UTRN: variants seen among roughly 807,000 people sequenced by gnomAD.
UTRN encodes dystrophin-related protein 1.
A neutral mutation model predicts 463.9 loss-of-function variants in UTRN; 283 were observed. The observed-to-expected ratio is 0.61, with a 90% CI of 0.55 to 0.67. The LOEUF (loss-of-function observed/expected upper bound fraction) is 0.67, where lower values mean the gene tolerates loss of function less well. Among genes scored for constraint, UTRN ranks in the 30% least tolerant of loss-of-function variants. The probability of loss-of-function intolerance (pLI) is 0.00; values close to 1 mark genes in which losing one functional copy is unlikely to be tolerated. For synonymous variants in UTRN, 1,442 were observed against 1,431.5 expected (o/e 1.01, Z -0.17); for missense variants, 3,922 against 4,084.3 (o/e 0.96, Z 1.08).
chr6:144,692,845 C>T (rs1562775030), intron 52 of UTRN, among the ~76,000 whole-genome samples: 1 of 152,062 alleles, frequency 6.6e-6, no homozygotes, highest in East Asian at 1.9e-4. Context: ...TGTATGTTTA[C>T]TCTGTTGATA....
In UTRN at chr6:144,587,601, A is replaced by G. The variant is rs79339234; in HGVS notation, c.7479+10313A>G. Among the ~76,000 whole-genome samples the G allele has an allele frequency of 9.0e-3, 1,364 of 152,250 alleles. 8 individuals are homozygous for G. Among genetic ancestry groups the G allele is most frequent in the Middle Eastern group, 0.024 (7 of 294 alleles). On this transcript the variant is annotated intron_variant, in intron 51 of 74. Transcript: ENST00000367545. ...TTGAGTATGTGGTTTTTTAGAAGAC[A>G]CTGAATGGAGTGGTGTATTTTCGAC...
intron 51 of UTRN, among the ~76,000 whole-genome samples, chr6:144,578,189 C>CGA (rs1440143824): frequency 6.6e-6 from 1 of 152,110 alleles, no homozygotes; most frequent in Non-Finnish European, 1.5e-5. Flanking sequence ...GGTGGCAGAA[C>CGA]GAGACTCTGT....
At chr6:144,584,788 C>T (rs781364164) in intron 51 of UTRN, among the ~76,000 whole-genome samples, 10 of 151,846 alleles carry the variant, frequency 6.6e-5, no homozygotes, top group African/African-American at 1.2e-4. Context: ...CTTAATGGAG[C>T]TTAATTAATT....
At chr6:144,723,632 C>T (rs1478001556) in intron 53 of UTRN, among the ~76,000 whole-genome samples, 3 of 152,146 alleles carry the variant, frequency 2.0e-5, no homozygotes, top group Non-Finnish European at 4.4e-5. Flanking sequence ...TGGGAGCAGC[C>T]ATCTTGTTAT....
chr6:144,773,405 T>C (rs1794300233), intron 59 of UTRN, among the ~76,000 whole-genome samples: 1 of 152,148 alleles, frequency 6.6e-6, no homozygotes, highest in South Asian at 2.1e-4. Flanking sequence ...TAATAAGCCA[T>C]GTGACAGCTG....
intron 13 of UTRN, among the ~76,000 whole-genome samples, chr6:144,441,208 T>G (rs761207683): frequency 1.3e-5 from 2 of 152,134 alleles, no homozygotes; most frequent in East Asian, 3.9e-4. Context: ...CAGCATTAAC[T>G]CAAAAGTCCA....
chr6:144,335,318 C>T (rs1776635376), intron 2 of UTRN, among the ~76,000 whole-genome samples: 1 of 152,202 alleles, frequency 6.6e-6, no homozygotes, highest in Admixed American at 6.5e-5. Context: ...CGCCCTTTCT[C>T]CTTTGTACCT....
At chr6:144,840,080 C>T (rs1015285212) in intron 72 of UTRN, among the ~76,000 whole-genome samples, 3 of 151,836 alleles carry the variant, frequency 2.0e-5, no homozygotes, top group Non-Finnish European at 2.9e-5. Flanking sequence ...CCCAGCTACT[C>T]GGGAGGCTGA....
intron 13 of UTRN, among the ~76,000 whole-genome samples, chr6:144,441,335 T>C (rs1483887709): frequency 6.6e-6 from 1 of 152,174 alleles, no homozygotes; most frequent in East Asian, 1.9e-4. Flanking sequence ...AGTAAATACA[T>C]CTGTTCCAAA....
At chr6:144,289,075 CAGGCATG>C (rs1803976073) in intron 1 of UTRN, among the ~76,000 whole-genome samples, 2 of 152,230 alleles carry the variant, frequency 1.3e-5, no homozygotes, top group African/African-American at 4.8e-5. Context: ...GCTGGGATTA[CAGGCATG>C]AGCCACCATG....
intron 60 of UTRN, among the ~76,000 whole-genome samples, chr6:144,780,980 C>A (rs770815948): frequency 6.6e-6 from 1 of 152,178 alleles, no homozygotes; most frequent in Non-Finnish European, 1.5e-5. Flanking sequence ...CTTTCCTCTC[C>A]TAGAAGTAGT....
At chr6:144,594,230 A>C (rs539703674) in intron 51 of UTRN, among the ~76,000 whole-genome samples, 1 of 152,276 alleles carries the variant, frequency 6.6e-6, no homozygotes, top group South Asian at 2.1e-4. Flanking sequence ...GCAGTGCCTT[A>C]ACATCTATGT....
chr6:144,594,398 G>A (rs2128633350), intron 51 of UTRN, among the ~76,000 whole-genome samples: 1 of 152,148 alleles, frequency 6.6e-6, no homozygotes, highest in South Asian at 2.1e-4. Flanking sequence ...ATTTAACTTT[G>A]CCTGGTACTA....
chr6:144,472,342 A>G (rs1790746534), intron 23 of UTRN, among the ~76,000 whole-genome samples: 1 of 149,762 alleles, frequency 6.7e-6, no homozygotes, highest in Non-Finnish European at 1.5e-5. Context: ...GAGGAAGCCT[A>G]GATTATTAGA....
chr6:144,817,941 A>G (rs1366287143), intron 65 of UTRN, among the ~76,000 whole-genome samples: 2 of 152,188 alleles, frequency 1.3e-5, no homozygotes, highest in South Asian at 2.1e-4. Context: ...TTTTGGGGAC[A>G]GCAAGTAGTT....
intron 41 of UTRN, among the ~76,000 whole-genome samples, chr6:144,527,729 A>G (rs1796686021): frequency 6.6e-6 from 1 of 152,178 alleles, no homozygotes; most frequent in African/African-American, 2.4e-5. Context: ...GGTTAATTCA[A>G]AAGCCTTGTC....
chr6:144,846,028 G>A (rs773613166), intron 73 of UTRN, among the ~76,000 whole-genome samples: 4 of 151,972 alleles, frequency 2.6e-5, no homozygotes, highest in Non-Finnish European at 5.9e-5. Flanking sequence ...TGCCATTACT[G>A]GGGGACAGAT....
chr6:144,690,074 G>GTTTTTTTTTTTTTTTTTTTTT (rs1554339291), intron 52 of UTRN, among the ~76,000 whole-genome samples: 1 of 31,278 alleles, frequency 3.2e-5, no homozygotes, highest in Non-Finnish European at 5.0e-5. Flanking sequence ...AAAAGTTTCT[G>GTTTTTTTTTTTTTTTTTTTTT]TTTTTTTTTT....
rs569885963 is a variant in UTRN, at chr6:144,848,434, G to A, written c.10293+1607G>A. Among the ~76,000 whole-genome samples, 200 of 152,270 alleles carry A rather than the reference G, an allele frequency of 1.3e-3. 1 individual carries two copies. The highest frequency in any genetic ancestry group is 4.6e-3 in the African/African-American group (193 of 41,558). On this transcript the variant is annotated intron_variant, in intron 74 of 74. Coordinates refer to ENST00000367545, the MANE Select transcript of UTRN (RefSeq NM_007124.3). ...GATTCAAGGGAAGAGGCAAAGAAGT[G>A]ATTATAATGATTGAACCAGATGCTT... is the stretch of plus-strand genomic sequence containing the variant.
Sources: allele counts gnomAD v4.1 joint callset (sites outside exome capture counted in the v4.1 genomes callset), GRCh38; gene constraint gnomAD v4.1.1; transcripts MANE v1.5; gene names NCBI Gene and HGNC (gene_info 2026-07-23, HGNC 2026-07-21).